PAPSS1: variants seen among roughly 807,000 people sequenced by gnomAD.
PAPSS1 encodes the protein 3'-phosphoadenosine 5'-phosphosulfate synthase 1, also known as bifunctional 3'-phosphoadenosine 5'-phosphosulfate synthase 1.
Under a neutral mutation model 72.0 loss-of-function variants are expected in PAPSS1, and 50 were observed. That is an observed-to-expected ratio of 0.69 (90% CI 0.55 to 0.88). The LOEUF is 0.88. Ranked by LOEUF, PAPSS1 falls within the 40% of genes least tolerant of loss-of-function variation. PAPSS1 has a pLI of 0.00. For synonymous variants in PAPSS1, 261 were observed against 263.6 expected (o/e 0.99, Z 0.09); for missense variants, 657 against 782.2 (o/e 0.84, Z 1.91).
intron 9 of PAPSS1, among the ~76,000 whole-genome samples, chr4:107,646,861 A>C (rs1451045520): frequency 1.3e-5 from 2 of 152,028 alleles, no homozygotes; most frequent in African/African-American, 4.8e-5. Context: ...CCAGCAATTC[A>C]CCATTACCTA....
At chr4:107,673,739 C>T (rs1260547450) in intron 5 of PAPSS1, among the ~76,000 whole-genome samples, 15 of 151,516 alleles carry the variant, frequency 9.9e-5, no homozygotes, top group African/African-American at 2.9e-4. Flanking sequence ...CCAAGACACA[C>T]AATTGTCAGA....
chr4:107,720,222 A>T lies in PAPSS1; in HGVS notation c.-43T>A. ...AGCAGCCGGGGTTCTCTGCGCCGGGAGGGTAGCAAGAGGAGGGCAGGCCAG... is the reference window on the plus strand; with the variant it reads ...AGCAGCCGGGGTTCTCTGCGCCGGGTGGGTAGCAAGAGGAGGGCAGGCCAG... On this transcript the variant is annotated 5_prime_UTR_variant, in exon 1 of 12. Transcript: ENST00000265174. The T allele has an allele frequency of 6.3e-7, 1 of 1,579,420 alleles. No individual in the cohort carries two copies. Among genetic ancestry groups the T allele is most frequent in the Non-Finnish European group, 8.6e-7 (1 of 1,164,108 alleles).
chr4:107,701,976 CA>C (rs11328129), intron 1 of PAPSS1, among the ~76,000 whole-genome samples: 109,629 of 133,954 alleles, frequency 0.82, 45,005 homozygotes, highest in South Asian at 0.93. Flanking sequence ...AAAGCTGCTT[CA>C]AAAAAAAAAA....
intron 5 of PAPSS1, among the ~76,000 whole-genome samples, chr4:107,676,006 A>G (rs12512017): frequency 0.18 from 27,931 of 152,184 alleles, 2,977 homozygotes; most frequent in East Asian, 0.37. Flanking sequence ...AAAACTCTCA[A>G]TAAATTAGGT....
intron 1 of PAPSS1, among the ~76,000 whole-genome samples, chr4:107,703,338 G>A (rs1723252589): frequency 6.6e-6 from 1 of 151,240 alleles, no homozygotes; most frequent in Admixed American, 6.6e-5. Context: ...ACCCTTTGCT[G>A]TGGAGACAAT....
chr4:107,678,664 G>C (rs1346524337), intron 5 of PAPSS1, among the ~76,000 whole-genome samples: 1 of 151,894 alleles, frequency 6.6e-6, no homozygotes, highest in Non-Finnish European at 1.5e-5. Context: ...TAGTACAATG[G>C]GGGACCGGGG....
At chr4:107,720,095 C>T (rs775950571) in intron 1 of PAPSS1, 25 bp downstream of exon 1, 9 of 1,598,582 alleles carry the variant, frequency 5.6e-6, no homozygotes, top group Non-Finnish European at 6.8e-6. Flanking sequence ...CGCTCCTCGC[C>T]GTCTCGCCTT....
intron 5 of PAPSS1, among the ~76,000 whole-genome samples, chr4:107,679,892 A>G (rs1264318053): frequency 1.3e-5 from 2 of 151,886 alleles, no homozygotes; most frequent in Non-Finnish European, 2.9e-5. Context: ...GAATACTATC[A>G]AAAAAAAGTC....
At chr4:107,669,422 G>A (rs1387822506) in intron 5 of PAPSS1, among the ~76,000 whole-genome samples, 1 of 152,144 alleles carries the variant, frequency 6.6e-6, no homozygotes, top group Non-Finnish European at 1.5e-5. Context: ...TAGTATAAAA[G>A]AAGAGAAATA....
chr4:107,678,937 G>A (rs539452747), intron 5 of PAPSS1, among the ~76,000 whole-genome samples: 3 of 152,138 alleles, frequency 2.0e-5, no homozygotes, highest in South Asian at 2.1e-4. Context: ...TGCCACAAAG[G>A]AGGAGATGAA....
intron 6 of PAPSS1, 49 bp downstream of exon 6, chr4:107,659,910 C>T (rs752454934): frequency 2.0e-6 from 2 of 990,184 alleles, no homozygotes; most frequent in Middle Eastern, 2.1e-4. Context: ...TAACAAACTA[C>T]TGTATATAAG....
intron 10 of PAPSS1, among the ~76,000 whole-genome samples, chr4:107,638,879 A>G (rs573275808): frequency 6.6e-6 from 1 of 152,330 alleles, no homozygotes; most frequent in South Asian, 2.1e-4. Context: ...TTTACAAATA[A>G]GAAAACAGGG....
intron 1 of PAPSS1, among the ~76,000 whole-genome samples, chr4:107,714,987 C>A (rs1318903981): frequency 6.6e-6 from 1 of 151,666 alleles, no homozygotes; most frequent in Non-Finnish European, 1.5e-5. Context: ...TTCTTGGGAA[C>A]AGAGTAAAAA....
rs191966426 is a variant in PAPSS1, at chr4:107,673,329, T to C, written c.669+8686A>G. On this transcript the variant is annotated intron_variant, in intron 5 of 11. Coordinates refer to ENST00000265174, the MANE Select transcript of PAPSS1 (RefSeq NM_005443.5). ...AAACCTTGAAAAAAAATTAGACAAA[T>C]GGCTAACTAGAATAACCAATGCAGA... 4.0e-3 allele frequency among the ~76,000 whole-genome samples: 607 copies of C among 151,746 alleles called. 8 individuals carry two copies. The highest frequency in any genetic ancestry group is 0.014 in the African/African-American group (569 of 41,358).
In PAPSS1 at chr4:107,656,860, C is replaced by A. The variant is rs139414473; in HGVS notation, c.895+36G>T. On this transcript the variant is annotated intron_variant, in intron 7 of 11. Coordinates refer to ENST00000265174, the MANE Select transcript of PAPSS1 (RefSeq NM_005443.5). Reference sequence around the variant, plus strand: ...CTCTGCAACTATGTAATTTCTCTTCCACATACAATATAATTTTGAATGTAA... The same window carrying A: ...CTCTGCAACTATGTAATTTCTCTTCAACATACAATATAATTTTGAATGTAA... The A allele has an allele frequency of 2.1e-4, 275 of 1,340,842 alleles. 2 individuals are homozygous for A. The African/African-American group carries it at 3.8e-3, about 18-fold the overall frequency. The allele number at this position is 1,340,842 out of a possible 1,614,324, so 83.1% of individuals were successfully genotyped here.
intron 2 of PAPSS1, among the ~76,000 whole-genome samples, chr4:107,698,801 T>C (rs1387735384): frequency 2.0e-5 from 3 of 152,142 alleles, no homozygotes; most frequent in South Asian, 2.1e-4. Flanking sequence ...ACAGTAAATA[T>C]TGGAGAAAAA....
At chr4:107,713,498 G>A (rs902078790) in intron 1 of PAPSS1, among the ~76,000 whole-genome samples, 5 of 152,036 alleles carry the variant, frequency 3.3e-5, no homozygotes, top group South Asian at 2.1e-4. Flanking sequence ...GGTGACCCAC[G>A]CCTGTAATCC....
chr4:107,616,212 AG>A (rs1157786703), intron 11 of PAPSS1, among the ~76,000 whole-genome samples: 1 of 152,166 alleles, frequency 6.6e-6, no homozygotes, highest in Non-Finnish European at 1.5e-5. Context: ...TGGTCTTACA[AG>A]TGCTTTTTAT....
At chr4:107,669,955 C>A (rs1727426505) in intron 5 of PAPSS1, among the ~76,000 whole-genome samples, 1 of 152,168 alleles carries the variant, frequency 6.6e-6, no homozygotes, top group South Asian at 2.1e-4. Flanking sequence ...CCAACATGTC[C>A]ATGAACAAGT....
Sources: gnomAD v4.1 joint callset for allele counts (sites outside exome capture counted in the v4.1 genomes callset) on GRCh38, gnomAD v4.1.1 for gene constraint, MANE v1.5 for transcripts, NCBI Gene and HGNC (gene_info 2026-07-23, HGNC 2026-07-21) for gene names.